Variants in SORCS2 observed in about 807,000 individuals in gnomAD.
SORCS2 encodes the protein VPS10 domain-containing receptor SorCS2.
A neutral mutation model predicts 141.6 loss-of-function variants in SORCS2; 100 were observed. That is an observed-to-expected ratio of 0.71 (90% CI 0.60 to 0.83). SORCS2 has a LOEUF of 0.83. Among genes scored for constraint, SORCS2 ranks in the 40% least tolerant of loss-of-function variants. The pLI is 0.00. For synonymous variants in SORCS2, 789 were observed against 676.9 expected, an observed-to-expected ratio of 1.17 and a Z score of -2.57; for missense variants, 1,646 against 1,560.2, an observed-to-expected ratio of 1.05 and a Z score of -0.93.
At chr4:7,733,953 GCCAC>G (rs1711931058) in intron 24 of SORCS2, among the ~76,000 whole-genome samples, 1 of 152,156 alleles carries the variant, frequency 6.6e-6, no homozygotes, top group Non-Finnish European at 1.5e-5. Context: ...AGGAGCGCCG[GCCAC>G]GGGCATGGAA....
intron 2 of SORCS2, among the ~76,000 whole-genome samples, chr4:7,439,197 T>C (rs1727496315): frequency 6.8e-6 from 1 of 146,148 alleles, no homozygotes; most frequent in African/African-American, 2.5e-5. Flanking sequence ...TATATATATA[T>C]ACAAACACAC....
chr4:7,425,955 G>T (rs998311656), intron 2 of SORCS2, among the ~76,000 whole-genome samples: 1 of 152,210 alleles, frequency 6.6e-6, no homozygotes, highest in Non-Finnish European at 1.5e-5. Flanking sequence ...GGAAACTGAG[G>T]CACAAAGGCA....
chr4:7,573,240 C>T (rs1014335540), intron 3 of SORCS2, among the ~76,000 whole-genome samples: 1 of 152,208 alleles, frequency 6.6e-6, no homozygotes, highest in Non-Finnish European at 1.5e-5. Flanking sequence ...CACAAGATCC[C>T]TGCGGCATGA....
intron 1 of SORCS2, among the ~76,000 whole-genome samples, chr4:7,199,108 G>T (rs1359039894): frequency 2.0e-5 from 3 of 152,332 alleles, no homozygotes; most frequent in African/African-American, 7.2e-5. Flanking sequence ...TGTGAGCCGG[G>T]AGGATGGGGA....
chr4:7,515,758 G>A lies in SORCS2; in HGVS notation c.549-15772G>A, dbSNP rs200752511. Among the ~76,000 whole-genome samples the A allele has an allele frequency of 7.2e-5, 11 of 152,390 alleles. No individual in the cohort carries two copies. In the East Asian group the frequency reaches 2.1e-3, roughly 29 times the overall value. On this transcript the variant is annotated intron_variant, in intron 2 of 26. Transcript: ENST00000507866. The stretch of plus-strand genomic sequence containing the variant: ...TTCATCATCTTGACCATAGGTCAGA[G>A]TGGGGAATGATTTTCACATCTGCCC...
At chr4:7,646,066 G>A (rs968487887) in intron 4 of SORCS2, among the ~76,000 whole-genome samples, 2 of 152,248 alleles carry the variant, frequency 1.3e-5, no homozygotes, top group African/African-American at 4.8e-5. Flanking sequence ...TTGCGCACCC[G>A]GCAGCCACGG....
intron 15 of SORCS2, among the ~76,000 whole-genome samples, chr4:7,713,995 C>T (rs948462417): frequency 1.4e-4 from 22 of 152,206 alleles, no homozygotes; most frequent in African/African-American, 3.9e-4. Flanking sequence ...AGCAGCTCTG[C>T]GACCCCTCGG....
intron 10 of SORCS2, among the ~76,000 whole-genome samples, chr4:7,685,988 G>T (rs1300098000): frequency 1.3e-5 from 2 of 152,192 alleles, no homozygotes; most frequent in African/African-American, 4.8e-5. Flanking sequence ...ACAATAACTG[G>T]GCATTTTTGT....
chr4:7,290,226 C>T (rs1408070637), intron 1 of SORCS2, among the ~76,000 whole-genome samples: 2 of 152,182 alleles, frequency 1.3e-5, no homozygotes, highest in Non-Finnish European at 2.9e-5. Context: ...GTAACGAACA[C>T]ATCTCAGGGT....
chr4:7,497,023 T>C (rs539985394), intron 2 of SORCS2, among the ~76,000 whole-genome samples: 141 of 152,342 alleles, frequency 9.3e-4, no homozygotes, highest in African/African-American at 3.1e-3. Flanking sequence ...CGTGAGCTAA[T>C]TGACTCCAAA....
At chr4:7,586,183 T>C (rs1323685865) in intron 3 of SORCS2, among the ~76,000 whole-genome samples, 1 of 152,174 alleles carries the variant, frequency 6.6e-6, no homozygotes, top group Non-Finnish European at 1.5e-5. Context: ...TTTAGGGCCA[T>C]TTTTTCCCTC....
At chr4:7,639,994 C>T (rs184624939) in intron 4 of SORCS2, among the ~76,000 whole-genome samples, 63 of 147,076 alleles carry the variant, frequency 4.3e-4, no homozygotes, top group African/African-American at 1.4e-3. Context: ...AGCACGTGTG[C>T]GAGTGTGAAA....
intron 3 of SORCS2, among the ~76,000 whole-genome samples, chr4:7,592,474 C>T (rs964327480): frequency 2.0e-5 from 3 of 152,204 alleles, no homozygotes; most frequent in African/African-American, 2.4e-5. Context: ...TCTGAACAAC[C>T]GTCTTCCCCA....
At chr4:7,244,505 C>T (rs1015642259) in intron 1 of SORCS2, among the ~76,000 whole-genome samples, 6 of 152,212 alleles carry the variant, frequency 3.9e-5, no homozygotes, top group African/African-American at 1.4e-4. Flanking sequence ...GCAGGGTGCC[C>T]GGCAGGCCTG....
intron 1 of SORCS2, among the ~76,000 whole-genome samples, chr4:7,263,198 C>A (rs956453503): frequency 6.6e-6 from 1 of 152,156 alleles, no homozygotes; most frequent in Non-Finnish European, 1.5e-5. Context: ...GTTTTAAATA[C>A]TCAATAAATG....
intron 1 of SORCS2, among the ~76,000 whole-genome samples, chr4:7,343,013 G>T (rs532238209): frequency 6.6e-6 from 1 of 152,182 alleles, no homozygotes; most frequent in Admixed American, 6.5e-5. Context: ...ACAGGCCTGG[G>T]AAAGGGAGGG....
In SORCS2 at chr4:7,682,656, T is replaced by C. The variant is rs1220094201; in HGVS notation, c.1342-87T>C. ...AAATGAGGCCACATGTGCAGAGCAC[T>C]TTAGCAAGGGGCTGGAGCATGGTGG... On this transcript the variant is annotated intron_variant, in intron 9 of 26. Coordinates refer to ENST00000507866, the MANE Select transcript of SORCS2 (RefSeq NM_020777.3). The C allele has an allele frequency of 1.1e-5, 15 of 1,381,134 alleles. No individual in the cohort carries two copies. In the African/African-American group the frequency reaches 2.0e-4, roughly 19 times the overall value. 85.6% of individuals were successfully genotyped at this position (1,381,134 alleles called of 1,614,324 possible). A position where few individuals can be genotyped will look rare whatever the true frequency, so the allele number is the denominator to read the frequency against.
intron 1 of SORCS2, among the ~76,000 whole-genome samples, chr4:7,220,626 G>T (rs1728646042): frequency 6.6e-6 from 1 of 152,132 alleles, no homozygotes; most frequent in South Asian, 2.1e-4. Context: ...GAGGGAGTGG[G>T]GACAGTTGAT....
At chr4:7,484,717 A>G (rs1004237960) in intron 2 of SORCS2, among the ~76,000 whole-genome samples, 3 of 152,146 alleles carry the variant, frequency 2.0e-5, no homozygotes, top group Admixed American at 2.0e-4. Flanking sequence ...CTGGGCGGGC[A>G]TTTACAAGTT....
Sources: gnomAD v4.1 joint callset for allele counts (sites outside exome capture counted in the v4.1 genomes callset) on GRCh38, gnomAD v4.1.1 for gene constraint, MANE v1.5 for transcripts, NCBI Gene and HGNC (gene_info 2026-07-23, HGNC 2026-07-21) for gene names.